Variants in PIGK observed in about 807,000 individuals in gnomAD.
PIGK encodes GPI-anchor transamidase.
In PIGK, 42 loss-of-function variants were observed where a neutral mutation model predicts 50.6. That is an observed-to-expected ratio of 0.83 (90% confidence interval 0.65 to 1.07). The LOEUF (loss-of-function observed/expected upper bound fraction) is 1.07. Among genes scored for constraint, PIGK ranks in the 50% least tolerant of loss-of-function variants. PIGK has a pLI of 0.00. For synonymous variants in PIGK, 151 were observed against 156.0 expected (o/e 0.97, Z 0.24); for missense variants, 448 against 488.7 (o/e 0.92, Z 0.78).
At chr1:77,158,935 C>A (rs1655071920) in intron 8 of PIGK, among the ~76,000 whole-genome samples, 1 of 152,202 alleles carries the variant, frequency 6.6e-6, no homozygotes, top group Admixed American at 6.5e-5. Flanking sequence ...TTCAAGCCAG[C>A]TGCAGAAATT....
At chr1:77,218,790 G>C (rs942573962) in intron 1 of PIGK, among the ~76,000 whole-genome samples, 1 of 152,094 alleles carries the variant, frequency 6.6e-6, no homozygotes, top group African/African-American at 2.4e-5. Flanking sequence ...GAGGAGCCCA[G>C]GATAAAACTA....
intron 10 of PIGK, among the ~76,000 whole-genome samples, chr1:77,114,381 T>C (rs1653918562): frequency 6.6e-6 from 1 of 152,144 alleles, no homozygotes; most frequent in South Asian, 2.1e-4. Flanking sequence ...GTAAAATATG[T>C]TTTGCACCTA....
intron 10 of PIGK, among the ~76,000 whole-genome samples, chr1:77,108,486 TG>T (rs1436494421): frequency 5.3e-5 from 8 of 152,186 alleles, no homozygotes; most frequent in African/African-American, 1.9e-4. Flanking sequence ...CTTCCCTTTG[TG>T]GGTAACCCGA....
At position 77,219,374 on chromosome 1, in the gene PIGK, G is replaced by T; in HGVS notation, c.29C>A (p.Ala10Asp). ...CAACACAGTTGCCAAGACAGTCGCAGCCCGGCTGAGGCTGTCGGTGACGGC... is the reference window on the plus strand; with the variant it reads ...CAACACAGTTGCCAAGACAGTCGCATCCCGGCTGAGGCTGTCGGTGACGGC... The part of the protein sequence containing the change: MAVTDSLSR[A>D]ATVLATVLLL... The change falls in exon 1 of 11, where the codon GCT becomes GAT. Residue 10 changes from alanine to aspartate, a missense_variant. Coordinates refer to ENST00000370812, the MANE Select transcript of PIGK (RefSeq NM_005482.3). 6.2e-7 allele frequency: 1 copy of T among 1,613,764 alleles called. No homozygotes were observed. The highest frequency in any genetic ancestry group is 8.5e-7 in the Non-Finnish European group (1 of 1,179,828).
Position 77,134,194 on chromosome 1 carries a change from A to C in PIGK, c.987-11835T>G, listed in dbSNP as rs1258734062. Among the ~76,000 whole-genome samples the C allele has an allele frequency of 2.6e-5, 4 of 152,346 alleles. No individual in the cohort carries two copies. The South Asian group carries it at 6.2e-4, about 24-fold the overall frequency. Reference sequence around the variant, plus strand: ...TGCTGCACCCGGAAAAAGCAAGTGTACCCAAGAGAAAAAAGTGGCTAGAAA... The same window carrying C: ...TGCTGCACCCGGAAAAAGCAAGTGTCCCCAAGAGAAAAAAGTGGCTAGAAA... On this transcript the variant is annotated intron_variant, in intron 9 of 10. Transcript: ENST00000370812.
chr1:77,206,604 T>G (rs1387241057), intron 3 of PIGK, 36 bp downstream of exon 3: 1 of 1,089,986 alleles, frequency 9.2e-7, no homozygotes, highest in Non-Finnish European at 1.4e-6. Flanking sequence ...TTATTTTCAC[T>G]GAAGTTCAAG....
At chr1:77,120,639 A>G (rs1404799101) in intron 10 of PIGK, among the ~76,000 whole-genome samples, 1 of 152,194 alleles carries the variant, frequency 6.6e-6, no homozygotes, top group Non-Finnish European at 1.5e-5. Flanking sequence ...AGTACTGTCA[A>G]AAAAGGGAAA....
chr1:77,175,104 G>T lies in PIGK; in HGVS notation c.240-5709C>A, dbSNP rs35762413. ...GAAATAAAAAATTTTAAAGATTATT[G>T]GTAAAATAAAGACATTTGTTCTTAA... On this transcript the variant is annotated intron_variant, in intron 3 of 10. Coordinates refer to ENST00000370812, the MANE Select transcript of PIGK (RefSeq NM_005482.3). Among the ~76,000 whole-genome samples the T allele has an allele frequency of 2.0e-5, 3 of 151,922 alleles. No individual in the cohort carries two copies. In the East Asian group the frequency reaches 5.8e-4, roughly 29 times the overall value.
intron 1 of PIGK, among the ~76,000 whole-genome samples, chr1:77,216,547 A>G (rs1201149387): frequency 6.6e-6 from 1 of 152,200 alleles, no homozygotes; most frequent in African/African-American, 2.4e-5. Context: ...TGGGTTGTCT[A>G]TTGTTAAGCA....
chr1:77,143,531 T>G (rs555157306), intron 9 of PIGK, among the ~76,000 whole-genome samples: 5 of 152,164 alleles, frequency 3.3e-5, no homozygotes, highest in Middle Eastern at 3.4e-3. Context: ...ATAAAAAAAT[T>G]TACATATAGA....
At chr1:77,149,520 T>C (rs550287223) in intron 9 of PIGK, among the ~76,000 whole-genome samples, 82 of 152,256 alleles carry the variant, frequency 5.4e-4, no homozygotes, top group Non-Finnish European at 1.0e-3. Flanking sequence ...CATCATATAA[T>C]GATAAAGGAG....
intron 9 of PIGK, among the ~76,000 whole-genome samples, chr1:77,128,861 A>T (rs185298683): frequency 9.8e-5 from 15 of 152,296 alleles, no homozygotes; most frequent in African/African-American, 3.6e-4. Flanking sequence ...CTCAAATGTG[A>T]CCTGTCACCT....
intron 3 of PIGK, among the ~76,000 whole-genome samples, chr1:77,179,364 A>G (rs1267767977): frequency 6.6e-6 from 1 of 152,248 alleles, no homozygotes; most frequent in Non-Finnish European, 1.5e-5. Flanking sequence ...GGACTCTGCT[A>G]CATTTGAGTC....
intron 10 of PIGK, among the ~76,000 whole-genome samples, chr1:77,101,219 T>TA (rs1653533129): frequency 6.6e-6 from 1 of 152,206 alleles, no homozygotes; most frequent in Non-Finnish European, 1.5e-5. Context: ...GAATAACACT[T>TA]AAAGTTATGA....
chr1:77,108,919 T>G (rs549374008), intron 10 of PIGK, among the ~76,000 whole-genome samples: 166 of 152,278 alleles, frequency 1.1e-3, no homozygotes, highest in Middle Eastern at 0.01. Flanking sequence ...ACGTAGTTCT[T>G]GTGCCATGGT....
chr1:77,116,585 T>C (rs893662289), intron 10 of PIGK, among the ~76,000 whole-genome samples: 2 of 105,970 alleles, frequency 1.9e-5, no homozygotes, highest in Non-Finnish European at 3.6e-5. Context: ...TGTGTGTGTG[T>C]GTGTGTGTGT....
At chr1:77,208,356 C>A (rs1053431390) in intron 2 of PIGK, among the ~76,000 whole-genome samples, 1 of 152,008 alleles carries the variant, frequency 6.6e-6, no homozygotes, top group Non-Finnish European at 1.5e-5. Context: ...GTTTCTTTTT[C>A]ATCTTTTATT....
intron 9 of PIGK, among the ~76,000 whole-genome samples, chr1:77,148,588 C>T (rs760699083): frequency 6.6e-6 from 1 of 151,978 alleles, no homozygotes; most frequent in African/African-American, 2.4e-5. Context: ...ATAAAAAAAA[C>T]GCAAATTGTG....
intron 10 of PIGK, among the ~76,000 whole-genome samples, chr1:77,110,805 C>T (rs1435963680): frequency 6.6e-6 from 1 of 152,128 alleles, no homozygotes. Flanking sequence ...AAAGAAACTA[C>T]TATCAGAGTG....
Sources: allele counts gnomAD v4.1 joint callset (sites outside exome capture counted in the v4.1 genomes callset), GRCh38; gene constraint gnomAD v4.1.1; transcripts MANE v1.5; gene names NCBI Gene and HGNC (gene_info 2026-07-23, HGNC 2026-07-21).